Variants in SNTB1 observed in about 807,000 individuals in gnomAD.
SNTB1 encodes beta-1-syntrophin.
In SNTB1, 36 loss-of-function variants were observed where a neutral mutation model predicts 48.9. The observed-to-expected ratio is 0.74, with a 90% CI of 0.56 to 0.97. SNTB1 has a LOEUF of 0.97. Among genes scored for constraint, SNTB1 ranks in the 50% least tolerant of loss-of-function variants. The probability of loss-of-function intolerance (pLI) is 0.00; values close to 1 mark genes in which losing one functional copy is unlikely to be tolerated. For missense variants in SNTB1, 786 were observed against 703.4 expected (o/e 1.12, Z -1.33); for synonymous variants, 299 against 294.6 (o/e 1.01, Z -0.15).
chr8:120,802,047 G>T (rs1217959180), intron 1 of SNTB1, among the ~76,000 whole-genome samples: 1 of 152,012 alleles, frequency 6.6e-6, no homozygotes, highest in African/African-American at 2.4e-5. Flanking sequence ...ATTGAAGACA[G>T]TTTTTTCTTT....
intron 4 of SNTB1, among the ~76,000 whole-genome samples, chr8:120,563,082 A>G (rs1443616466): frequency 6.6e-5 from 10 of 152,028 alleles, no homozygotes; most frequent in Non-Finnish European, 1.3e-4. Flanking sequence ...GGCTCAGAGC[A>G]GTGTCGCCCT....
Position 120,597,240 on chromosome 8 carries a change from A to T in SNTB1, c.997-22015T>A, listed in dbSNP as rs367676833. On this transcript the variant is annotated intron_variant, in intron 3 of 6. Coordinates refer to ENST00000517992, the MANE Select transcript of SNTB1 (RefSeq NM_021021.4). Reference sequence around the variant, plus strand: ...AAATAGATTGTCCTTTAGAGCATCCAGAGGGCACGTGGCCCTACCAACACC... The same window carrying T: ...AAATAGATTGTCCTTTAGAGCATCCTGAGGGCACGTGGCCCTACCAACACC... Among the ~76,000 whole-genome samples the T allele has an allele frequency of 3.9e-5, 6 of 152,392 alleles. No homozygotes were observed. The East Asian group carries it at 1.2e-3, about 29-fold the overall frequency.
chr8:120,566,029 T>C (rs1452050578), intron 4 of SNTB1, among the ~76,000 whole-genome samples: 5 of 152,144 alleles, frequency 3.3e-5, no homozygotes, highest in East Asian at 3.9e-4. Context: ...GCCAACATGG[T>C]GGCCTATTAA....
chr8:120,712,940 C>T (rs980863839), intron 1 of SNTB1, among the ~76,000 whole-genome samples: 2 of 152,150 alleles, frequency 1.3e-5, no homozygotes, highest in African/African-American at 4.8e-5. Context: ...CCTGTGACAC[C>T]GTCTTCTCCT....
chr8:120,773,912 C>A (rs1819684117), intron 1 of SNTB1, among the ~76,000 whole-genome samples: 1 of 152,212 alleles, frequency 6.6e-6, no homozygotes, highest in African/African-American at 2.4e-5. Flanking sequence ...AACCACCATG[C>A]AATTTTCTAT....
chr8:120,718,318 G>A (rs948257333), intron 1 of SNTB1, among the ~76,000 whole-genome samples: 2 of 152,198 alleles, frequency 1.3e-5, no homozygotes, highest in African/African-American at 4.8e-5. Flanking sequence ...TACAGGGGCA[G>A]GGCAAGGATA....
chr8:120,689,755 A>G (rs1818095145), intron 2 of SNTB1, among the ~76,000 whole-genome samples: 1 of 152,190 alleles, frequency 6.6e-6, no homozygotes, highest in African/African-American at 2.4e-5. Flanking sequence ...CCATGAAAAA[A>G]AGGCTTTGTG....
chr8:120,539,368 A>G, intron 6 of SNTB1, among the ~76,000 whole-genome samples: 1 of 152,210 alleles, frequency 6.6e-6, no homozygotes, highest in Admixed American at 6.5e-5. Context: ...TTTTAGACGT[A>G]CCATCTTGGA....
intron 1 of SNTB1, among the ~76,000 whole-genome samples, chr8:120,805,231 T>C (rs112857786): frequency 4.3e-3 from 484 of 112,106 alleles, no homozygotes; most frequent in African/African-American, 0.03. Flanking sequence ...ATGCCCACCC[T>C]CTCCTCCAAA....
chr8:120,664,669 C>T, intron 2 of SNTB1, among the ~76,000 whole-genome samples: 1 of 152,092 alleles, frequency 6.6e-6, no homozygotes, highest in East Asian at 1.9e-4. Flanking sequence ...TTTATTCACC[C>T]TTCGATGGGA....
At chr8:120,703,037 A>T (rs1298475218) in intron 1 of SNTB1, among the ~76,000 whole-genome samples, 3 of 152,262 alleles carry the variant, frequency 2.0e-5, no homozygotes, top group Non-Finnish European at 4.4e-5. Context: ...ACTCAGGGAC[A>T]TGCAATTAGC....
intron 3 of SNTB1, among the ~76,000 whole-genome samples, chr8:120,576,144 C>G (rs139634077): frequency 1.3e-5 from 2 of 152,264 alleles, no homozygotes; most frequent in East Asian, 3.9e-4. Flanking sequence ...TCAGGCCCAT[C>G]CAGATCTGTT....
At chr8:120,811,241 C>T (rs955230153) in intron 1 of SNTB1, 32 bp downstream of exon 1, 1 of 1,549,652 alleles carries the variant, frequency 6.5e-7, no homozygotes. Flanking sequence ...GTGTGCGCGC[C>T]CGGCGCGGCC....
chr8:120,762,907 C>T (rs1252443354), intron 1 of SNTB1, among the ~76,000 whole-genome samples: 1 of 152,084 alleles, frequency 6.6e-6, no homozygotes, highest in African/African-American at 2.4e-5. Flanking sequence ...TCAAAAAATG[C>T]ATAGAACTTT....
At chr8:120,627,243 C>A (rs1024988566) in intron 3 of SNTB1, among the ~76,000 whole-genome samples, 1 of 152,120 alleles carries the variant, frequency 6.6e-6, no homozygotes, top group African/African-American at 2.4e-5. Context: ...AGTTACTATG[C>A]CTTGGTAGCA....
intron 4 of SNTB1, among the ~76,000 whole-genome samples, chr8:120,568,587 G>A (rs1404830744): frequency 6.6e-6 from 1 of 152,218 alleles, no homozygotes; most frequent in African/African-American, 2.4e-5. Flanking sequence ...GGGGTGATGA[G>A]GCTGGGGTTA....
At chr8:120,751,144 G>A (rs934564175) in intron 1 of SNTB1, among the ~76,000 whole-genome samples, 1 of 152,140 alleles carries the variant, frequency 6.6e-6, no homozygotes, top group Non-Finnish European at 1.5e-5. Context: ...GATGAAGTGA[G>A]ATTCAGTGCT....
intron 5 of SNTB1, among the ~76,000 whole-genome samples, chr8:120,544,141 G>T (rs1815338544): frequency 6.6e-6 from 1 of 152,108 alleles, no homozygotes; most frequent in Admixed American, 6.5e-5. Flanking sequence ...GGGTGAATGG[G>T]CTGTAAAAAT....
chr8:120,642,391 T>A (rs35218273), intron 2 of SNTB1, among the ~76,000 whole-genome samples: 61,068 of 152,060 alleles, frequency 0.4, 13,342 homozygotes, highest in Non-Finnish European at 0.49. Context: ...CCTGTCCCAG[T>A]CCTACTGAGT....
Sources: allele counts gnomAD v4.1 joint callset (sites outside exome capture counted in the v4.1 genomes callset), GRCh38; gene constraint gnomAD v4.1.1; transcripts MANE v1.5; gene names NCBI Gene and HGNC (gene_info 2026-07-23, HGNC 2026-07-21).